PTPRM: variants seen among roughly 807,000 people sequenced by gnomAD.
The protein encoded by PTPRM is receptor-type tyrosine-protein phosphatase mu.
PTPRM carries 47 observed loss-of-function variants against 186.7 expected under a neutral mutation model. The observed-to-expected ratio is 0.25, with a 90% CI of 0.20 to 0.32. The LOEUF (loss-of-function observed/expected upper bound fraction) is 0.32. Among genes scored for constraint, PTPRM ranks in the 10% least tolerant of loss-of-function variants. PTPRM has a pLI of 1.00. For missense variants in PTPRM, 1,494 were observed against 1,865.0 expected (o/e 0.80, Z 3.66); for synonymous variants, 668 against 674.9 (o/e 0.99, Z 0.16).
chr18:7,926,745 A>T, intron 5 of PTPRM, 62 bp downstream of exon 5: 1 of 1,262,800 alleles, frequency 7.9e-7, no homozygotes, highest in South Asian at 1.5e-5. Flanking sequence ...CTCCCCCTGG[A>T]GGAGGAACCC....
intron 2 of PTPRM, chr18:7,815,402 G>A (rs2044756813): frequency 6.6e-6 from 1 of 152,216 alleles, no homozygotes; most frequent in Non-Finnish European, 1.5e-5. Context: ...GACGCTTTGG[G>A]GGCAGTTCTG....
chr18:7,618,480 G>A (rs987189478), intron 1 of PTPRM, among the ~76,000 whole-genome samples: 1 of 152,100 alleles, frequency 6.6e-6, no homozygotes, highest in African/African-American at 2.4e-5. Context: ...AGTAGGAGTA[G>A]TAAATTGAGG....
chr18:8,118,813 T>A (rs1293050), intron 13 of PTPRM, among the ~76,000 whole-genome samples: 11,117 of 98,426 alleles, frequency 0.11, 423 homozygotes, highest in African/African-American at 0.17. Context: ...AAAAAAAAAA[T>A]ATATATATAT....
chr18:7,700,540 A>G (rs979303145), intron 1 of PTPRM, among the ~76,000 whole-genome samples: 6 of 152,192 alleles, frequency 3.9e-5, no homozygotes, highest in African/African-American at 1.4e-4. Context: ...TTTTCCTCTA[A>G]TTATTCTAGG....
At chr18:7,781,813 T>A (rs1016035534) in intron 2 of PTPRM, among the ~76,000 whole-genome samples, 1 of 152,226 alleles carries the variant, frequency 6.6e-6, no homozygotes, top group Non-Finnish European at 1.5e-5. Context: ...CATTTTTTTT[T>A]AGTTGATTCT....
intron 30 of PTPRM, among the ~76,000 whole-genome samples, chr18:8,384,984 C>T (rs909190308): frequency 1.3e-4 from 20 of 152,068 alleles, no homozygotes; most frequent in African/African-American, 4.8e-4. Flanking sequence ...GGCTCAACTC[C>T]GAGTGTGGCA....
At chr18:7,850,528 T>C (rs977424217) in intron 2 of PTPRM, among the ~76,000 whole-genome samples, 1 of 152,202 alleles carries the variant, frequency 6.6e-6, no homozygotes. Flanking sequence ...AGTGGAGTTT[T>C]TGGAAAACTC....
At chr18:7,733,591 G>T (rs1035552239) in intron 1 of PTPRM, among the ~76,000 whole-genome samples, 1 of 152,138 alleles carries the variant, frequency 6.6e-6, no homozygotes. Context: ...AATCCTTTGA[G>T]AATATGCCCA....
At chr18:7,892,499 T>C (rs2049131899) in intron 3 of PTPRM, among the ~76,000 whole-genome samples, 3 of 152,206 alleles carry the variant, frequency 2.0e-5, no homozygotes, top group South Asian at 4.1e-4. Flanking sequence ...ACCTTCCCAA[T>C]TGTGAACTTT....
intron 32 of PTPRM, among the ~76,000 whole-genome samples, chr18:8,398,535 G>T (rs2095855916): frequency 6.6e-6 from 1 of 152,112 alleles, no homozygotes. Context: ...GGAGGCCGAG[G>T]TGGGCAGATC....
chr18:7,692,910 AAGAG>A (rs747772936), intron 1 of PTPRM, among the ~76,000 whole-genome samples: 1 of 152,310 alleles, frequency 6.6e-6, no homozygotes, highest in Non-Finnish European at 1.5e-5. Flanking sequence ...GCCAATGAGA[AAGAG>A]AGAGTTCAAG....
chr18:7,880,604 A>T (rs2048458759), intron 2 of PTPRM, among the ~76,000 whole-genome samples: 1 of 152,176 alleles, frequency 6.6e-6, no homozygotes, highest in Non-Finnish European at 1.5e-5. Context: ...ATCAGACTGA[A>T]ATGGGTGCTA....
chr18:8,372,141 G>A (rs1246221775), intron 24 of PTPRM, among the ~76,000 whole-genome samples: 1 of 131,106 alleles, frequency 7.6e-6, no homozygotes, highest in Non-Finnish European at 1.6e-5. Context: ...GCGCAATCTC[G>A]GCTCACTGCA....
chr18:7,917,262 G>A (rs566174505), intron 4 of PTPRM, among the ~76,000 whole-genome samples: 68 of 152,278 alleles, frequency 4.5e-4, no homozygotes, highest in Non-Finnish European at 7.8e-4. Context: ...GGCCAGGTGC[G>A]GTGGCTCACG....
intron 1 of PTPRM, among the ~76,000 whole-genome samples, chr18:7,616,433 C>T (rs754709236): frequency 7.9e-5 from 12 of 152,146 alleles, no homozygotes; most frequent in Non-Finnish European, 1.0e-4. Context: ...TGCACCCAAA[C>T]GTGGTGTTTC....
At chr18:7,848,796 T>G (rs1356250432) in intron 2 of PTPRM, among the ~76,000 whole-genome samples, 1 of 152,182 alleles carries the variant, frequency 6.6e-6, no homozygotes, top group Non-Finnish European at 1.5e-5. Flanking sequence ...AAATAAAATT[T>G]GCTTTGGGAA....
Position 8,384,671 on chromosome 18 carries a change from T to C in PTPRM, c.4029T>C (p.Ile1343=). ...EEDIISRIFR[I]YNAARPQDGY... is the part of the protein sequence containing the mutation. ...ACATCATCAGCAGGATATTCCGCAT[T>C]TACAATGCCGCCAGAGTAAGAGACG... Residue 1343 remains isoleucine (I), a synonymous_variant, in exon 30 of 33, where the codon ATT becomes ATC. Coordinates refer to ENST00000580170, the MANE Select transcript of PTPRM (RefSeq NM_001105244.2). The C allele has an allele frequency of 1.2e-6, 2 of 1,614,126 alleles. No individual in the cohort carries two copies. The highest frequency in any genetic ancestry group is 2.7e-5 in the African/African-American group (2 of 75,034).
At chr18:7,861,330 G>T (rs2047369874) in intron 2 of PTPRM, among the ~76,000 whole-genome samples, 1 of 151,926 alleles carries the variant, frequency 6.6e-6, no homozygotes. Flanking sequence ...ACAGAATAAT[G>T]ATTAAAATAA....
intron 13 of PTPRM, among the ~76,000 whole-genome samples, chr18:8,137,777 G>A (rs1428653115): frequency 6.6e-6 from 1 of 151,934 alleles, no homozygotes; most frequent in Admixed American, 6.6e-5. Context: ...TTCCCACCCA[G>A]CGTTGAAGCC....
Sources: gnomAD v4.1 joint callset for allele counts (sites outside exome capture counted in the v4.1 genomes callset) on GRCh38, gnomAD v4.1.1 for gene constraint, MANE v1.5 for transcripts, NCBI Gene and HGNC (gene_info 2026-07-23, HGNC 2026-07-21) for gene names.